Variants in TRPC4 observed in about 807,000 individuals in gnomAD.
TRPC4 encodes the protein short transient receptor potential channel 4.
In TRPC4, 49 loss-of-function variants were observed where a neutral mutation model predicts 99.4. The observed-to-expected ratio is 0.49, with a 90% CI of 0.39 to 0.63. The LOEUF (loss-of-function observed/expected upper bound fraction) is 0.63. Ranked by LOEUF, TRPC4 falls within the 20% of genes least tolerant of loss-of-function variation. The pLI is 0.00. For missense variants in TRPC4, 898 were observed against 1,152.9 expected, an observed-to-expected ratio of 0.78 and a Z score of 3.20; for synonymous variants, 454 against 425.9, an observed-to-expected ratio of 1.07 and a Z score of -0.81.
chr13:37,667,249 C>A (rs146813633), intron 5 of TRPC4, among the ~76,000 whole-genome samples: 1,679 of 152,298 alleles, frequency 0.011, 23 homozygotes, highest in African/African-American at 0.038. Flanking sequence ...AACTGCAGCA[C>A]CTTCCTCACT....
chr13:37,746,105 C>G lies in TRPC4; in HGVS notation c.729G>C (p.Glu243Asp). ...VENEFKSEYE[E>D]LSRQCKQFAK... is the part of the protein sequence containing the mutation. ...CAAATTGTTTGCACTGCCGTGACAG[C>G]TCTTCATACTCCGACTTGAATTCAT... Residue 243 changes from glutamate (E) to aspartate (D), a missense_variant, in exon 3 of 11, where the codon GAG (glutamate) becomes GAC (aspartate). Transcript: ENST00000379705. 1 of 1,613,938 alleles carries G rather than the reference C, an allele frequency of 6.2e-7. No individual in the cohort carries two copies. Among genetic ancestry groups the G allele is most frequent in the Non-Finnish European group, 8.5e-7 (1 of 1,179,912 alleles).
intron 7 of TRPC4, 90 bp from the exon 8 acceptor site, chr13:37,651,549 CG>C (rs1952043940): frequency 3.4e-6 from 4 of 1,189,670 alleles, no homozygotes; most frequent in Non-Finnish European, 4.9e-6. Context: ...TGACTTCAAG[CG>C]GCTCTTGGAA....
chr13:37,714,424 G>A (rs1238358185), intron 3 of TRPC4, among the ~76,000 whole-genome samples: 1 of 152,130 alleles, frequency 6.6e-6, no homozygotes, highest in East Asian at 1.9e-4. Flanking sequence ...ACTGTGCTGG[G>A]CCTATTTCTT....
intron 1 of TRPC4, among the ~76,000 whole-genome samples, chr13:37,823,573 A>G (rs1337852460): frequency 6.6e-6 from 1 of 151,934 alleles, no homozygotes; most frequent in Non-Finnish European, 1.5e-5. Flanking sequence ...TCAAAGATCA[A>G]ATACTTGTAG....
intron 3 of TRPC4, among the ~76,000 whole-genome samples, chr13:37,704,642 AAAAT>A (rs527485713): frequency 2.6e-5 from 4 of 152,020 alleles, no homozygotes; most frequent in Non-Finnish European, 4.4e-5. Flanking sequence ...TCTCTAAGTA[AAAAT>A]AAATAAATAA....
At chr13:37,690,876 G>A (rs899158645) in intron 4 of TRPC4, among the ~76,000 whole-genome samples, 2 of 151,198 alleles carry the variant, frequency 1.3e-5, no homozygotes, top group Non-Finnish European at 2.9e-5. Flanking sequence ...AACCCAAACT[G>A]ATATTCTGAG....
At chr13:37,839,305 G>A (rs974446096) in intron 1 of TRPC4, among the ~76,000 whole-genome samples, 4 of 152,090 alleles carry the variant, frequency 2.6e-5, no homozygotes, top group African/African-American at 9.7e-5. Flanking sequence ...CTATAGTAAA[G>A]GTGATGAGTT....
At chr13:37,752,917 G>A (rs990332296) in intron 2 of TRPC4, among the ~76,000 whole-genome samples, 4 of 151,680 alleles carry the variant, frequency 2.6e-5, no homozygotes, top group Non-Finnish European at 5.9e-5. Flanking sequence ...CAATGTGCTG[G>A]GTGGAAAAAG....
intron 1 of TRPC4, among the ~76,000 whole-genome samples, chr13:37,802,435 T>C (rs1235554263): frequency 5.3e-5 from 8 of 152,116 alleles, no homozygotes. Context: ...CTTGGTACTT[T>C]TGAGGATTAC....
chr13:37,734,213 T>G (rs1254240588), intron 3 of TRPC4, among the ~76,000 whole-genome samples: 1 of 152,218 alleles, frequency 6.6e-6, no homozygotes, highest in African/African-American at 2.4e-5. Flanking sequence ...TAAGGTGTTT[T>G]ATTTTTAGGA....
chr13:37,708,591 T>C (rs980423365), intron 3 of TRPC4, among the ~76,000 whole-genome samples: 1 of 151,644 alleles, frequency 6.6e-6, no homozygotes, highest in Non-Finnish European at 1.5e-5. Flanking sequence ...AAAGTCACAA[T>C]AGGGAATGTT....
intron 1 of TRPC4, among the ~76,000 whole-genome samples, chr13:37,796,990 A>G (rs1957273425): frequency 6.7e-6 from 1 of 149,816 alleles, no homozygotes; most frequent in Admixed American, 6.6e-5. Flanking sequence ...AAAGTAAAGT[A>G]AAGTAAAGTA....
At chr13:37,739,876 C>T (rs947466853) in intron 3 of TRPC4, among the ~76,000 whole-genome samples, 1 of 151,966 alleles carries the variant, frequency 6.6e-6, no homozygotes, top group Non-Finnish European at 1.5e-5. Flanking sequence ...TTATATACTC[C>T]GGTATGTCAT....
chr13:37,828,242 TCA>T (rs1205447501), intron 1 of TRPC4, among the ~76,000 whole-genome samples: 6 of 152,322 alleles, frequency 3.9e-5, no homozygotes, highest in African/African-American at 1.4e-4. Context: ...TCTGCGTTGC[TCA>T]CGCTGGGAGC....
intron 1 of TRPC4, among the ~76,000 whole-genome samples, chr13:37,795,447 G>T (rs1466373363): frequency 1.3e-5 from 2 of 152,172 alleles, no homozygotes; most frequent in African/African-American, 4.8e-5. Flanking sequence ...AAGGTCTTCA[G>T]TTTAGACATG....
At chr13:37,791,100 G>T (rs566374353) in intron 1 of TRPC4, among the ~76,000 whole-genome samples, 1 of 152,002 alleles carries the variant, frequency 6.6e-6, no homozygotes, top group Non-Finnish European at 1.5e-5. Flanking sequence ...AGGAAAGTAT[G>T]AAGATGAAAC....
chr13:37,796,975 AAAGTAAAGTAAAGTAAAG>A (rs1566178133), intron 1 of TRPC4, among the ~76,000 whole-genome samples: 9 of 148,084 alleles, frequency 6.1e-5, no homozygotes, highest in South Asian at 2.2e-4. Flanking sequence ...AAAATAAAGT[AAAGTAAAGTAAAGTAAAG>A]TAAAGTAAAG....
intron 1 of TRPC4, among the ~76,000 whole-genome samples, chr13:37,801,579 CAG>C (rs1262852640): frequency 6.6e-6 from 1 of 152,078 alleles, no homozygotes; most frequent in African/African-American, 2.4e-5. Context: ...ATACTTAAAA[CAG>C]AATAATTAGT....
At chr13:37,812,184 A>AAAAAAAAACAAACAAAC (rs1555276078) in intron 1 of TRPC4, among the ~76,000 whole-genome samples, 5 of 147,930 alleles carry the variant, frequency 3.4e-5, no homozygotes, top group African/African-American at 1.2e-4. Flanking sequence ...ATCAAAAAAA[A>AAAAAAAAACAAACAAAC]AAAAAAAAAA....
Sources: gnomAD v4.1 joint callset for allele counts (sites outside exome capture counted in the v4.1 genomes callset) on GRCh38, gnomAD v4.1.1 for gene constraint, MANE v1.5 for transcripts, NCBI Gene and HGNC (gene_info 2026-07-23, HGNC 2026-07-21) for gene names.